Variants in CRB1 observed in about 807,000 individuals in gnomAD.
CRB1 encodes the protein crumbs cell polarity complex component 1.
CRB1 carries 83 observed loss-of-function variants against 120.0 expected under a neutral mutation model. The ratio of observed to expected loss-of-function variants is 0.69; its 90% CI spans 0.58 to 0.83. CRB1 has a LOEUF of 0.83. Among genes scored for constraint, CRB1 ranks in the 40% least tolerant of loss-of-function variants. The pLI, the probability that CRB1 is intolerant of heterozygous loss-of-function variation, is 0.00. For missense variants in CRB1, 1,699 were observed against 1,687.6 expected (o/e 1.01, Z -0.12); for synonymous variants, 625 against 612.5 (o/e 1.02, Z -0.30).
At chr1:197,397,331 G>A (rs1353716979) in intron 5 of CRB1, among the ~76,000 whole-genome samples, 1 of 152,096 alleles carries the variant, frequency 6.6e-6, no homozygotes, top group Non-Finnish European at 1.5e-5. Context: ...CCAAATGCTG[G>A]AGAGGATGTG....
chr1:197,346,133 A>C (rs560002969), intron 3 of CRB1, among the ~76,000 whole-genome samples: 48 of 152,286 alleles, frequency 3.2e-4, no homozygotes, highest in African/African-American at 8.9e-4. Context: ...TATTCTCCTC[A>C]CTTGAATATG....
chr1:197,252,582 A>ATATATATGTGTGTGTGTGTGTG, the CRB1 span, among the ~76,000 whole-genome samples: 2 of 15,506 alleles, frequency 1.3e-4, no homozygotes, highest in Non-Finnish European at 2.8e-4. Context: ...ATATATATAT[A>ATATATATGTGTGTGTGTGTGTG]TGTGTGTGTG....
the CRB1 span, among the ~76,000 whole-genome samples, chr1:197,256,465 G>A: frequency 6.6e-6 from 1 of 151,914 alleles, no homozygotes; most frequent in Admixed American, 6.6e-5. Flanking sequence ...TCTCTCATGA[G>A]TTCCAGATTC....
chr1:197,360,146 A>G (rs572469517), intron 5 of CRB1, among the ~76,000 whole-genome samples: 15 of 152,338 alleles, frequency 9.8e-5, no homozygotes, highest in Admixed American at 2.6e-4. Flanking sequence ...TCAGCCACAT[A>G]AGAATGGGCC....
In CRB1 at chr1:197,268,468, T is replaced by C; in HGVS notation, c.56T>C (p.Leu19Pro). The change falls in exon 1 of 12, where the codon CTT (leucine) becomes CCT (proline). Residue 19 changes from leucine to proline, a missense_variant. Coordinates refer to ENST00000367400, the MANE Select transcript of CRB1 (RefSeq NM_201253.3). ...ATCTTCTACCTCAGTTTCTCACTGC[T>C]TATCTACATAAAAAGTAAGCCTTTC... ...LLIFYLSFSL[L>P]IYIKNSFCNK... 6.2e-7 allele frequency: 1 copy of C among 1,612,014 alleles called. No individual in the cohort carries two copies. The highest frequency in any genetic ancestry group is 1.3e-5 in the African/African-American group (1 of 75,010).
intron 1 of CRB1, among the ~76,000 whole-genome samples, chr1:197,275,920 TAAC>T (rs1655182558): frequency 6.6e-6 from 1 of 151,910 alleles, no homozygotes; most frequent in Non-Finnish European, 1.5e-5. Flanking sequence ...ATTTTTGACT[TAAC>T]AATAAACAGT....
the CRB1 span, among the ~76,000 whole-genome samples, chr1:197,255,994 T>TATATATATATATATAC: frequency 7.5e-6 from 1 of 133,890 alleles, no homozygotes; most frequent in African/African-American, 2.9e-5. Flanking sequence ...TATATATATA[T>TATATATATATATATAC]ATACACTACA....
chr1:197,441,659 C>CTTTTTTTTTTTTTTTTTTTTTTT (rs5779872), intron 10 of CRB1: 2 of 68,192 alleles, frequency 2.9e-5, no homozygotes, highest in Non-Finnish European at 5.1e-5. Flanking sequence ...TTCCCTCCTT[C>CTTTTTTTTTTTTTTTTTTTTTTT]TTTTTTTTTT....
chr1:197,252,572 ATATATATATATGTGTGTGTG>A, the CRB1 span, among the ~76,000 whole-genome samples: 72 of 48,582 alleles, frequency 1.5e-3, no homozygotes, highest in Middle Eastern at 0.023. Context: ...ATATATATAT[ATATATATATATGTGTGTGTG>A]TGTGTGTGTG....
chr1:197,448,339 T>A (rs1407691249), intron 11 of CRB1, among the ~76,000 whole-genome samples: 1 of 152,202 alleles, frequency 6.6e-6, no homozygotes, highest in Non-Finnish European at 1.5e-5. Context: ...GACTACAGTC[T>A]TAGCTTTAGA....
intron 1 of CRB1, among the ~76,000 whole-genome samples, chr1:197,298,612 G>A (rs1007621746): frequency 7.2e-5 from 11 of 151,840 alleles, no homozygotes; most frequent in African/African-American, 2.7e-4. Flanking sequence ...TGACTTGGAG[G>A]GAATATGTCC....
chr1:197,424,465 C>A (rs1356328400), intron 6 of CRB1, among the ~76,000 whole-genome samples: 2 of 152,120 alleles, frequency 1.3e-5, no homozygotes, highest in African/African-American at 4.8e-5. Flanking sequence ...TAATGTTTGC[C>A]ATATGACATA....
the CRB1 span, among the ~76,000 whole-genome samples, chr1:197,225,536 A>G: frequency 6.6e-6 from 1 of 152,190 alleles, no homozygotes; most frequent in African/African-American, 2.4e-5. Context: ...CCTCTCAGAT[A>G]TTAATGGCCA....
chr1:197,416,198 C>A (rs1663991313), intron 5 of CRB1, among the ~76,000 whole-genome samples: 1 of 152,094 alleles, frequency 6.6e-6, no homozygotes, highest in Non-Finnish European at 1.5e-5. Flanking sequence ...AGGACAGGGA[C>A]TAGTTCGAAC....
the CRB1 span, among the ~76,000 whole-genome samples, chr1:197,216,372 A>G: frequency 2.1e-4 from 32 of 152,212 alleles, no homozygotes; most frequent in African/African-American, 7.7e-4. Flanking sequence ...TGTATCCTTA[A>G]TAACCAGTAA....
chr1:197,358,791 C>T (rs1000022838), intron 5 of CRB1, among the ~76,000 whole-genome samples: 7 of 95,880 alleles, frequency 7.3e-5, no homozygotes, highest in Non-Finnish European at 1.4e-4. Context: ...CTTTTACCCA[C>T]ATATTACTGG....
At chr1:197,364,061 A>G in intron 5 of CRB1, 1 of 1,330,548 alleles carries the variant, frequency 7.5e-7, no homozygotes, top group Non-Finnish European at 1.1e-6. Context: ...AATCAGGCAG[A>G]TCCGTGGCGG....
chr1:197,311,553 AT>A (rs1261977260), intron 1 of CRB1, among the ~76,000 whole-genome samples: 1 of 151,960 alleles, frequency 6.6e-6, no homozygotes, highest in Non-Finnish European at 1.5e-5. Flanking sequence ...CAACTACTTT[AT>A]TTTTTTCCGG....
the CRB1 span, among the ~76,000 whole-genome samples, chr1:197,210,710 C>T: frequency 6.6e-6 from 1 of 152,022 alleles, no homozygotes; most frequent in South Asian, 2.1e-4. Flanking sequence ...ATGATTTCTT[C>T]ATTCATGTAG....
Sources: gnomAD v4.1 joint callset for allele counts (sites outside exome capture counted in the v4.1 genomes callset) on GRCh38, gnomAD v4.1.1 for gene constraint, MANE v1.5 for transcripts, NCBI Gene and HGNC (gene_info 2026-07-23, HGNC 2026-07-21) for gene names.